Variants in COMMD1 observed in about 807,000 individuals in gnomAD.
COMMD1 encodes COMM domain-containing protein 1.
COMMD1 carries 10 observed loss-of-function variants against 17.2 expected under a neutral mutation model. The ratio of observed to expected loss-of-function variants is 0.58; its 90% CI spans 0.36 to 0.99. The LOEUF (loss-of-function observed/expected upper bound fraction) is 0.99. COMMD1 is among the 50% of genes least tolerant of loss of function. The probability of loss-of-function intolerance (pLI) is 0.01; values close to 1 mark genes in which losing one functional copy is unlikely to be tolerated. For missense variants in COMMD1, 270 were observed against 231.8 expected, an observed-to-expected ratio of 1.17 and a Z score of -1.07; for synonymous variants, 97 against 91.6, an observed-to-expected ratio of 1.06 and a Z score of -0.34.
intron 2 of COMMD1, among the ~76,000 whole-genome samples, chr2:62,021,997 T>A (rs1327493855): frequency 5.8e-4 from 1 of 1,732 alleles, no homozygotes; most frequent in African/African-American, 0.011. Context: ...TAAACTCCTA[T>A]TTTTTTTTGT....
chr2:61,999,962 C>G (rs1297804333), intron 1 of COMMD1, among the ~76,000 whole-genome samples: 1 of 140,872 alleles, frequency 7.1e-6, no homozygotes, highest in Non-Finnish European at 1.5e-5. Context: ...CTTGCTCTGT[C>G]GCTCAGGCTG....
At chr2:61,990,903 TACACACACACAC>T (rs34009777) in intron 1 of COMMD1, among the ~76,000 whole-genome samples, 7 of 116,166 alleles carry the variant, frequency 6.0e-5, no homozygotes, top group East Asian at 2.5e-4. Flanking sequence ...TATATATATA[TACACACACACAC>T]ACACACACAC....
chr2:61,905,505 G>A (rs1019105810), upstream of COMMD1: 4 of 613,224 alleles, frequency 6.5e-6, no homozygotes, highest in African/African-American at 7.4e-5. Context: ...GGTATCCTAA[G>A]GGGATGGGTG....
chr2:62,005,290 G>A (rs1291649689), intron 2 of COMMD1, among the ~76,000 whole-genome samples: 1 of 152,184 alleles, frequency 6.6e-6, no homozygotes. Context: ...CATATTGCTT[G>A]TACTTGATGT....
intron 1 of COMMD1, among the ~76,000 whole-genome samples, chr2:61,927,667 G>C (rs990080043): frequency 6.6e-6 from 1 of 152,094 alleles, no homozygotes; most frequent in African/African-American, 2.4e-5. Context: ...CAAAGTGCTG[G>C]GATTACAGGC....
chr2:61,903,058 C>T (rs753717824), upstream of COMMD1, among the ~76,000 whole-genome samples: 2 of 152,118 alleles, frequency 1.3e-5, no homozygotes, highest in Non-Finnish European at 2.9e-5. Flanking sequence ...TAGTTTGTCA[C>T]TAAGTTTGGT....
chr2:62,047,626 T>C (rs571669692), intron 2 of COMMD1, among the ~76,000 whole-genome samples: 10 of 152,176 alleles, frequency 6.6e-5, no homozygotes, highest in African/African-American at 2.4e-4. Flanking sequence ...GGCTAATTTT[T>C]GTATTTTTAG....
rs572437740 is a variant in COMMD1 at position 62,013,156 on chromosome 2, G to A, written c.462+12174G>A. Among the ~76,000 whole-genome samples, 12 of 152,018 alleles carry A rather than the reference G, an allele frequency of 7.9e-5. No homozygotes were observed. The East Asian group carries it at 1.9e-3, about 24-fold the overall frequency. ...GTACTGGGATACTGAGATCCCAGGG[G>A]GAAAATATCACTAAGGTTGGAATTG... On this transcript the variant is annotated intron_variant, in intron 2 of 2. Transcript: ENST00000311832.
intron 2 of COMMD1, among the ~76,000 whole-genome samples, chr2:62,118,030 C>G (rs907779770): frequency 1.3e-5 from 2 of 152,174 alleles, no homozygotes; most frequent in Non-Finnish European, 2.9e-5. Context: ...ACTTTTAAAC[C>G]AAGTTTATAG....
chr2:61,997,901 T>G (rs1039958911), intron 1 of COMMD1, among the ~76,000 whole-genome samples: 5 of 152,258 alleles, frequency 3.3e-5, no homozygotes, highest in African/African-American at 1.2e-4. Context: ...TTCCGATATA[T>G]GGCTATTTCA....
At chr2:62,135,413 C>T (rs186754474) in intron 2 of COMMD1, among the ~76,000 whole-genome samples, 80 of 151,964 alleles carry the variant, frequency 5.3e-4, no homozygotes, top group Middle Eastern at 3.4e-3. Flanking sequence ...TGCAGTGGCC[C>T]GATCTCGGCT....
chr2:61,987,844 G>A (rs1378461397), intron 1 of COMMD1, among the ~76,000 whole-genome samples: 3 of 152,166 alleles, frequency 2.0e-5, no homozygotes, highest in Non-Finnish European at 4.4e-5. Flanking sequence ...GAATCTACCT[G>A]GTCCTCTGTT....
At chr2:61,941,053 T>G (rs928888469) in intron 1 of COMMD1, among the ~76,000 whole-genome samples, 2 of 147,832 alleles carry the variant, frequency 1.4e-5, no homozygotes, top group Admixed American at 6.8e-5. Flanking sequence ...CCTTTTTTTT[T>G]GGGATGGAGT....
chr2:62,064,733 G>A (rs1670977412), intron 2 of COMMD1, among the ~76,000 whole-genome samples: 1 of 151,778 alleles, frequency 6.6e-6, no homozygotes, highest in African/African-American at 2.4e-5. Context: ...TGCTTTTTTT[G>A]TGAGTTTAGC....
upstream of COMMD1, among the ~76,000 whole-genome samples, chr2:61,904,948 A>G (rs1669734680): frequency 6.6e-6 from 1 of 152,178 alleles, no homozygotes; most frequent in Admixed American, 6.5e-5. Flanking sequence ...TTGGCCTTTT[A>G]TATCTGGCTT....
At chr2:62,083,509 G>A (rs1201015783) in intron 2 of COMMD1, among the ~76,000 whole-genome samples, 3 of 152,232 alleles carry the variant, frequency 2.0e-5, no homozygotes, top group Non-Finnish European at 4.4e-5. Context: ...CTCATTTACA[G>A]TAGTCTTTTC....
intron 2 of COMMD1, among the ~76,000 whole-genome samples, chr2:62,111,129 A>G (rs1174141787): frequency 6.6e-6 from 1 of 152,114 alleles, no homozygotes; most frequent in Admixed American, 6.5e-5. Flanking sequence ...TTCTTTATAG[A>G]TGTGCATTTC....
chr2:62,025,744 A>G (rs1669737474), intron 2 of COMMD1, among the ~76,000 whole-genome samples: 1 of 152,150 alleles, frequency 6.6e-6, no homozygotes, highest in African/African-American at 2.4e-5. Context: ...GCTGGAATAC[A>G]GTGGCATGAT....
chr2:61,915,259 G>A (rs1319268167), intron 1 of COMMD1, among the ~76,000 whole-genome samples: 2 of 151,958 alleles, frequency 1.3e-5, no homozygotes, highest in African/African-American at 2.4e-5. Flanking sequence ...GCCTGCCTTG[G>A]CCCCACTAAG....
Sources: gnomAD v4.1 joint callset for allele counts (sites outside exome capture counted in the v4.1 genomes callset) on GRCh38, gnomAD v4.1.1 for gene constraint, MANE v1.5 for transcripts, NCBI Gene and HGNC (gene_info 2026-07-23, HGNC 2026-07-21) for gene names.